NALF1: variants seen among roughly 807,000 people sequenced by gnomAD.
NALF1 encodes the protein NALCN channel auxiliary factor 1, also known as family with sequence similarity 155 member A.
NALF1 carries 3 observed loss-of-function variants against 48.4 expected under a neutral mutation model. That is an observed-to-expected ratio of 0.06 (90% CI 0.03 to 0.16). NALF1 has a LOEUF of 0.16. Ranked by LOEUF, NALF1 falls within the 10% of genes least tolerant of loss-of-function variation. NALF1 has a pLI of 1.00. For synonymous variants in NALF1, 262 were observed against 245.7 expected (o/e 1.07, Z -0.62); for missense variants, 526 against 571.5 (o/e 0.92, Z 0.81).
intron 1 of NALF1, among the ~76,000 whole-genome samples, chr13:107,496,240 T>C (rs1207340364): frequency 6.6e-6 from 1 of 152,162 alleles, no homozygotes; most frequent in Non-Finnish European, 1.5e-5. Context: ...GTTAAAAATA[T>C]CAGACATTTT....
intron 1 of NALF1, among the ~76,000 whole-genome samples, chr13:107,847,491 T>C (rs183532140): frequency 4.6e-5 from 7 of 152,364 alleles, no homozygotes; most frequent in Non-Finnish European, 8.8e-5. Flanking sequence ...AGGTGAAGAA[T>C]GTCAGTCTCG....
chr13:107,864,134 A>T (rs749435657), intron 1 of NALF1, among the ~76,000 whole-genome samples: 7 of 152,224 alleles, frequency 4.6e-5, no homozygotes, highest in Admixed American at 3.9e-4. Flanking sequence ...ATTCATTATT[A>T]ATTTCTACCA....
chr13:107,848,546 G>A (rs1880229586), intron 1 of NALF1, among the ~76,000 whole-genome samples: 1 of 152,164 alleles, frequency 6.6e-6, no homozygotes, highest in Admixed American at 6.5e-5. Flanking sequence ...TATTTGGACA[G>A]CTAATTTCCT....
intron 1 of NALF1, among the ~76,000 whole-genome samples, chr13:107,321,559 C>G (rs997221688): frequency 6.6e-6 from 1 of 151,972 alleles, no homozygotes; most frequent in African/African-American, 2.4e-5. Context: ...CCATTTTTTT[C>G]TACGAAAAGG....
At chr13:107,514,421 ATATCTATCTATC>A (rs34590190) in intron 1 of NALF1, among the ~76,000 whole-genome samples, 16 of 148,760 alleles carry the variant, frequency 1.1e-4, no homozygotes, top group African/African-American at 3.2e-4. Context: ...AGCTTCTCCT[ATATCTATCTATC>A]TATCTATCTA....
chr13:107,794,577 G>A (rs1183893912), intron 1 of NALF1, among the ~76,000 whole-genome samples: 5 of 139,630 alleles, frequency 3.6e-5, no homozygotes, highest in East Asian at 4.2e-4. Flanking sequence ...GAAAAAAAAA[G>A]AATCCTATTA....
chr13:107,292,992 C>CTTTTTT (rs55786928), intron 1 of NALF1, among the ~76,000 whole-genome samples: 3 of 110,676 alleles, frequency 2.7e-5, no homozygotes, highest in Non-Finnish European at 3.6e-5. Flanking sequence ...TTTTCTTTTT[C>CTTTTTT]TTTTTTTTTT....
intron 1 of NALF1, among the ~76,000 whole-genome samples, chr13:107,500,188 A>G (rs1214285229): frequency 6.6e-6 from 1 of 152,210 alleles, no homozygotes; most frequent in East Asian, 1.9e-4. Context: ...TGTTGTAAAA[A>G]TTAATGTCCT....
At chr13:107,396,041 G>C (rs1045570617) in intron 1 of NALF1, among the ~76,000 whole-genome samples, 2 of 152,108 alleles carry the variant, frequency 1.3e-5, no homozygotes, top group Middle Eastern at 3.2e-3. Context: ...TTTTCTCACA[G>C]TTCTGAAGAC....
chr13:107,268,334 A>AG (rs1218056756), intron 1 of NALF1, among the ~76,000 whole-genome samples: 1 of 151,994 alleles, frequency 6.6e-6, no homozygotes, highest in South Asian at 2.1e-4. Flanking sequence ...TGGTTGATGG[A>AG]GGGTAACTGA....
intron 1 of NALF1, among the ~76,000 whole-genome samples, chr13:107,544,296 A>G (rs1594120589): frequency 6.6e-6 from 1 of 152,172 alleles, no homozygotes; most frequent in African/African-American, 2.4e-5. Context: ...TGACTTTGCA[A>G]TATCATTGAG....
chr13:107,377,824 C>T (rs1883364143), intron 1 of NALF1, among the ~76,000 whole-genome samples: 2 of 152,064 alleles, frequency 1.3e-5, no homozygotes, highest in Admixed American at 1.3e-4. Context: ...AATGATCTAG[C>T]AGTTTGTACT....
intron 1 of NALF1, among the ~76,000 whole-genome samples, chr13:107,482,764 C>G (rs1049849867): frequency 6.6e-6 from 1 of 152,162 alleles, no homozygotes. Context: ...AACTGTGAGG[C>G]TTTGACAGTC....
intron 2 of NALF1, among the ~76,000 whole-genome samples, chr13:107,205,192 G>T (rs1879611961): frequency 6.8e-6 from 1 of 146,534 alleles, no homozygotes; most frequent in Non-Finnish European, 1.5e-5. Flanking sequence ...AGAGTGTGAT[G>T]TTCCCCTTCC....
intron 1 of NALF1, among the ~76,000 whole-genome samples, chr13:107,535,845 A>C (rs1389037270): frequency 6.6e-6 from 1 of 152,324 alleles, no homozygotes; most frequent in Non-Finnish European, 1.5e-5. Flanking sequence ...GGCTACAGTA[A>C]CCAAAACAGC....
intron 1 of NALF1, among the ~76,000 whole-genome samples, chr13:107,298,237 C>A (rs1881762664): frequency 6.7e-6 from 1 of 149,200 alleles, no homozygotes; most frequent in Non-Finnish European, 1.5e-5. Context: ...GTAGTCCCAA[C>A]TACTAGGGAG....
chr13:107,491,898 T>C (rs1303387868), intron 1 of NALF1, among the ~76,000 whole-genome samples: 2 of 152,068 alleles, frequency 1.3e-5, no homozygotes, highest in East Asian at 1.9e-4. Flanking sequence ...TAATTTTAAA[T>C]GTTAATGATA....
intron 1 of NALF1, among the ~76,000 whole-genome samples, chr13:107,710,836 C>T: frequency 7.3e-6 from 1 of 137,330 alleles, no homozygotes; most frequent in East Asian, 2.2e-4. Flanking sequence ...CATACAGAGA[C>T]ACGTATAAAT....
At chr13:107,703,425 G>T (rs774157068) in intron 1 of NALF1, among the ~76,000 whole-genome samples, 2 of 143,024 alleles carry the variant, frequency 1.4e-5, no homozygotes, top group African/African-American at 5.2e-5. Flanking sequence ...GCAATGGCAC[G>T]ACCTCCGCCT....
Sources: gnomAD v4.1 joint callset for allele counts (sites outside exome capture counted in the v4.1 genomes callset) on GRCh38, gnomAD v4.1.1 for gene constraint, MANE v1.5 for transcripts, NCBI Gene and HGNC (gene_info 2026-07-23, HGNC 2026-07-21) for gene names.